Variants in SLC22A23 observed in about 807,000 individuals in gnomAD.
SLC22A23 encodes the protein solute carrier family 22 member 23.
A neutral mutation model predicts 61.0 loss-of-function variants in SLC22A23; 26 were observed. The ratio of observed to expected loss-of-function variants is 0.43; its 90% CI spans 0.31 to 0.59. SLC22A23 has a LOEUF of 0.59. SLC22A23 is among the 20% of genes least tolerant of loss of function. SLC22A23 has a pLI of 0.11. For synonymous variants in SLC22A23, 430 were observed against 413.9 expected, an observed-to-expected ratio of 1.04 and a Z score of -0.47; for missense variants, 796 against 934.7, an observed-to-expected ratio of 0.85 and a Z score of 1.94.
intron 3 of SLC22A23, among the ~76,000 whole-genome samples, chr6:3,343,393 G>A (rs937291263): frequency 1.3e-5 from 2 of 152,122 alleles, no homozygotes; most frequent in Non-Finnish European, 2.9e-5. Flanking sequence ...CTTGAATTCA[G>A]ATCTTTGGAT....
In SLC22A23 at chr6:3,329,956, T is replaced by C. The variant is rs552280761; in HGVS notation, c.914-5954A>G. Among the ~76,000 whole-genome samples the C allele has an allele frequency of 6.6e-6, 1 of 152,190 alleles. No homozygotes were observed. Among genetic ancestry groups the C allele is most frequent in the Non-Finnish European group, 1.5e-5 (1 of 68,042 alleles). ...TTAAACACAATTCCTGGAACAGGCCTGCGGAACGAGAAATCCTTCCAGAGG... is the reference window on the plus strand; with the variant it reads ...TTAAACACAATTCCTGGAACAGGCCCGCGGAACGAGAAATCCTTCCAGAGG... On this transcript the variant is annotated intron_variant, in intron 3 of 9. Transcript: ENST00000406686. The surrounding 1 kb of genome is among the most constrained non-coding windows in gnomAD (Gnocchi z 4.8).
chr6:3,363,511 G>A (rs1230827980), intron 3 of SLC22A23, among the ~76,000 whole-genome samples: 3 of 152,214 alleles, frequency 2.0e-5, no homozygotes, highest in Non-Finnish European at 2.9e-5. Flanking sequence ...TTTTGTCCCC[G>A]CCCATGGCCT....
At chr6:3,341,813 A>G (rs1336599426) in intron 3 of SLC22A23, among the ~76,000 whole-genome samples, 1 of 152,168 alleles carries the variant, frequency 6.6e-6, no homozygotes, top group Non-Finnish European at 1.5e-5. Context: ...AACTGAACAC[A>G]AGCTGGGAAT....
intron 1 of SLC22A23, among the ~76,000 whole-genome samples, chr6:3,446,089 T>G (rs532107297): frequency 8.1e-4 from 123 of 152,252 alleles, no homozygotes; most frequent in African/African-American, 2.9e-3. Flanking sequence ...AAGCCACAGC[T>G]GAACTGTCCA....
chr6:3,340,754 G>A (rs1003378469), intron 3 of SLC22A23, among the ~76,000 whole-genome samples: 2 of 152,204 alleles, frequency 1.3e-5, no homozygotes, highest in Non-Finnish European at 2.9e-5. Context: ...ACGTGCTAGA[G>A]ACATGAGAAC....
intron 3 of SLC22A23, among the ~76,000 whole-genome samples, chr6:3,331,444 C>T (rs1414255082): frequency 2.6e-5 from 4 of 152,148 alleles, no homozygotes; most frequent in African/African-American, 9.6e-5. Flanking sequence ...ATTATAGTCA[C>T]CATGGAAGAG....
rs937159615 is a variant in SLC22A23, at chr6:3,372,836, G to T, written c.913+37352C>A. ...CTCTTTCTCTTCATTATATTTCATC[G>T]CCAAACATTTATGAAATACTTAAAA... On this transcript the variant is annotated intron_variant, in intron 3 of 9. Coordinates refer to ENST00000406686, the MANE Select transcript of SLC22A23 (RefSeq NM_015482.2). The surrounding 1 kb of genome is among the most constrained non-coding windows in gnomAD (Gnocchi z 4.7). Among the ~76,000 whole-genome samples, 4 of 152,058 alleles carry T rather than the reference G, an allele frequency of 2.6e-5. No homozygotes were observed. Among genetic ancestry groups the T allele is most frequent in the African/African-American group, 9.7e-5 (4 of 41,392 alleles).
At chr6:3,284,886 C>T (rs775797280) in intron 8 of SLC22A23, 193 bp downstream of exon 8, 1 of 1,534,468 alleles carries the variant, frequency 6.5e-7, no homozygotes, top group South Asian at 1.2e-5. Context: ...ACCAGTCGCT[C>T]TTTCTAGAGG....
Position 3,377,082 on chromosome 6 carries a change from G to C in SLC22A23, c.913+33106C>G, listed in dbSNP as rs116184795. Reference sequence around the variant, plus strand: ...CAGAGGTTGGCAAACTGCAGCCTGCGGGACAAATTTGGCCCACTGCCTGTT... The same window carrying C: ...CAGAGGTTGGCAAACTGCAGCCTGCCGGACAAATTTGGCCCACTGCCTGTT... On this transcript the variant is annotated intron_variant, in intron 3 of 9. Coordinates refer to ENST00000406686, the MANE Select transcript of SLC22A23 (RefSeq NM_015482.2). Among the ~76,000 whole-genome samples, 1,324 of 152,210 alleles carry C rather than the reference G, an allele frequency of 8.7e-3. 19 individuals are homozygous for C. Among genetic ancestry groups the C allele is most frequent in the African/African-American group, 0.03 (1,239 of 41,500 alleles).
At chr6:3,293,374 G>C (rs183060672) in intron 5 of SLC22A23, among the ~76,000 whole-genome samples, 134 of 152,346 alleles carry the variant, frequency 8.8e-4, no homozygotes, top group Non-Finnish European at 1.8e-3. Context: ...TTGGGAAGTA[G>C]AAAAAGCACC....
At chr6:3,281,362 T>A (rs1759460432) in intron 9 of SLC22A23, among the ~76,000 whole-genome samples, 1 of 152,236 alleles carries the variant, frequency 6.6e-6, no homozygotes, top group African/African-American at 2.4e-5. Context: ...TGAAACAATA[T>A]TTAGTTAACT....
At chr6:3,365,504 CTGAG>C (rs552445577) in intron 3 of SLC22A23, among the ~76,000 whole-genome samples, 141 of 152,228 alleles carry the variant, frequency 9.3e-4, no homozygotes, top group African/African-American at 3.2e-3. Context: ...CTGGCTGAGC[CTGAG>C]TGAGTGAGTG....
rs544645706 is a variant in SLC22A23, at chr6:3,349,885, G to A, written c.914-25883C>T. Among the ~76,000 whole-genome samples the A allele has an allele frequency of 1.8e-4, 27 of 152,320 alleles. No homozygotes were observed. In the East Asian group the frequency reaches 4.4e-3, roughly 25 times the overall value. On this transcript the variant is annotated intron_variant, in intron 3 of 9. Coordinates refer to ENST00000406686, the MANE Select transcript of SLC22A23 (RefSeq NM_015482.2). ...CATCGCTCTCTGATCACAGACCTGG[G>A]ACAGAGCACCTCTTCCAGGGCTCTT...
chr6:3,385,997 C>T (rs1025453052), intron 3 of SLC22A23, among the ~76,000 whole-genome samples: 2 of 152,184 alleles, frequency 1.3e-5, no homozygotes, highest in Non-Finnish European at 2.9e-5. Context: ...ACCCAAGCCC[C>T]GCATTTGAGC....
intron 1 of SLC22A23, among the ~76,000 whole-genome samples, chr6:3,430,595 G>A (rs1262692011): frequency 6.6e-6 from 1 of 152,170 alleles, no homozygotes; most frequent in African/African-American, 2.4e-5. Flanking sequence ...AAAAAGTGCT[G>A]TCCTCGCTCT....
At chr6:3,366,967 A>G (rs1054392548) in intron 3 of SLC22A23, among the ~76,000 whole-genome samples, 3 of 152,182 alleles carry the variant, frequency 2.0e-5, no homozygotes, top group African/African-American at 7.2e-5. Flanking sequence ...GACAGGGGGG[A>G]TTAACACCAG....
Position 3,279,509 on chromosome 6 carries a change from C to CAAAAAAAA in SLC22A23, c.1703+4335_1703+4342dup, listed in dbSNP as rs10642564. 1.6e-3 allele frequency among the ~76,000 whole-genome samples: 59 copies of CAAAAAAAA among 36,008 alleles called. 7 individuals carry two copies. Among genetic ancestry groups the CAAAAAAAA allele is most frequent in the Admixed American group, 2.4e-3 (4 of 1,640 alleles). The allele number at this position is 36,008 out of a possible 152,430, so 23.6% of individuals were successfully genotyped here. A position where few individuals can be genotyped will look rare whatever the true frequency, so the allele number is the denominator to read the frequency against. On this transcript the variant is annotated intron_variant, in intron 9 of 9. Coordinates refer to ENST00000406686, the MANE Select transcript of SLC22A23 (RefSeq NM_015482.2). ...CTGGCAACAGAGCAAGGCTCCGTCTCAAAAAAAAAAAAAAAAAAAAAAAAA... is the reference window on the plus strand; with the variant it reads ...CTGGCAACAGAGCAAGGCTCCGTCTCAAAAAAAAAAAAAAAAAAAAAAAAAAAAAAAAA...
rs1286066235 is a variant in SLC22A23 at position 3,327,412 on chromosome 6, CT to C, written c.914-3411del. Among the ~76,000 whole-genome samples the C allele has an allele frequency of 2.0e-5, 3 of 152,254 alleles. No homozygotes were observed. The highest frequency in any genetic ancestry group is 3.8e-4 in the East Asian group (2 of 5,204). ...ATTTTCATTCATGGGCAGCCAGACT[CT>C]CCCTGATTATGTAAAACATTTAAGG... is the stretch of plus-strand genomic sequence containing the variant. On this transcript the variant is annotated intron_variant, in intron 3 of 9. Transcript: ENST00000406686. This position sits in a 1 kb window ranked among gnomAD's most constrained non-coding sequence, Gnocchi z 4.1.
intron 3 of SLC22A23, among the ~76,000 whole-genome samples, chr6:3,397,622 C>T (rs1044693630): frequency 2.0e-5 from 3 of 152,148 alleles, no homozygotes; most frequent in South Asian, 4.1e-4. Flanking sequence ...AGTTTCTGAA[C>T]TTAGAAAATG....
Sources: gnomAD v4.1 joint callset for allele counts (sites outside exome capture counted in the v4.1 genomes callset) on GRCh38, gnomAD v4.1.1 for gene constraint, Gnocchi (gnomAD v3.1) non-coding constraint, MANE v1.5 for transcripts, NCBI Gene and HGNC (gene_info 2026-07-23, HGNC 2026-07-21) for gene names.